The following PTPRN2 variants were observed in gnomAD, a reference collection of about 807,000 sequenced individuals.
PTPRN2 encodes the protein receptor-type tyrosine-protein phosphatase N2.
In PTPRN2, 74 loss-of-function variants were observed where a neutral mutation model predicts 118.8. That is an observed-to-expected ratio of 0.62 (90% CI 0.52 to 0.76). The LOEUF (loss-of-function observed/expected upper bound fraction) is 0.76, where lower values mean the gene tolerates loss of function less well. Among genes scored for constraint, PTPRN2 ranks in the 30% least tolerant of loss-of-function variants. The pLI is 0.00. For synonymous variants in PTPRN2, 641 were observed against 608.0 expected, an observed-to-expected ratio of 1.05 and a Z score of -0.80; for missense variants, 1,481 against 1,394.4, an observed-to-expected ratio of 1.06 and a Z score of -0.99.
chr7:157,834,567 T>C (rs1807806308), intron 12 of PTPRN2, among the ~76,000 whole-genome samples: 1 of 152,250 alleles, frequency 6.6e-6, no homozygotes, highest in Non-Finnish European at 1.5e-5. Context: ...AATTGATCAG[T>C]CGACCCACCC....
chr7:158,203,049 C>A (rs188605722), intron 4 of PTPRN2, among the ~76,000 whole-genome samples: 12 of 151,660 alleles, frequency 7.9e-5, no homozygotes, highest in African/African-American at 2.4e-4. Flanking sequence ...CTGGCCAACA[C>A]GGCAAAACCC....
intron 11 of PTPRN2, among the ~76,000 whole-genome samples, chr7:157,935,226 CTTTT>C (rs768379508): frequency 6.6e-6 from 1 of 152,140 alleles, no homozygotes; most frequent in Non-Finnish European, 1.5e-5. Context: ...ATTAATTCTT[CTTTT>C]TTTGTGTCCC....
chr7:158,438,626 G>A lies in PTPRN2; in HGVS notation c.163+51109C>T, dbSNP rs1586672500. On this transcript the variant is annotated intron_variant, in intron 2 of 22. Transcript: ENST00000389418. The surrounding 1 kb of genome is among the most constrained non-coding windows in gnomAD (Gnocchi z 4.7). ...AACAGATCATTATAGCCAAGAGAAG[G>A]TCAGTTCTGATCGTTGTTGATTTTC... Among the ~76,000 whole-genome samples the A allele has an allele frequency of 1.3e-5, 2 of 152,156 alleles. No individual in the cohort carries two copies. The highest frequency in any genetic ancestry group is 4.8e-5 in the African/African-American group (2 of 41,436).
chr7:157,745,141 C>T (rs1432723632), intron 12 of PTPRN2, among the ~76,000 whole-genome samples: 3 of 152,144 alleles, frequency 2.0e-5, no homozygotes, highest in Admixed American at 6.5e-5. Context: ...AGTGGCCACC[C>T]CAGCATTTCT....
At chr7:157,967,572 A>C (rs1028982011) in intron 11 of PTPRN2, among the ~76,000 whole-genome samples, 2 of 152,146 alleles carry the variant, frequency 1.3e-5, no homozygotes, top group African/African-American at 4.8e-5. Flanking sequence ...GTGGGCTGAG[A>C]GGGCTGTGTG....
chr7:158,176,624 C>T (rs1824232135), intron 5 of PTPRN2, among the ~76,000 whole-genome samples: 3 of 152,166 alleles, frequency 2.0e-5, no homozygotes, highest in Admixed American at 2.0e-4. Flanking sequence ...AGGGCAGGGA[C>T]AGGACTGTCT....
chr7:158,447,427 C>T (rs761111718), intron 2 of PTPRN2, among the ~76,000 whole-genome samples: 43 of 152,168 alleles, frequency 2.8e-4, no homozygotes, highest in Non-Finnish European at 4.6e-4. Flanking sequence ...GCACAAGACC[C>T]GTCTCCATAA....
intron 5 of PTPRN2, among the ~76,000 whole-genome samples, chr7:158,184,895 G>A (rs1825013336): frequency 6.6e-6 from 1 of 152,208 alleles, no homozygotes; most frequent in African/African-American, 2.4e-5. Context: ...CAGATTTTAA[G>A]TGGAAAGCAT....
At chr7:157,638,396 T>C (rs1804453439) in intron 14 of PTPRN2, among the ~76,000 whole-genome samples, 1 of 152,248 alleles carries the variant, frequency 6.6e-6, no homozygotes, top group Non-Finnish European at 1.5e-5. Context: ...TCAGTCTACC[T>C]CCTCCACCTT....
chr7:158,035,395 A>G (rs1244655911), intron 11 of PTPRN2, among the ~76,000 whole-genome samples: 1 of 152,174 alleles, frequency 6.6e-6, no homozygotes, highest in Non-Finnish European at 1.5e-5. Context: ...GGAAGGAGAA[A>G]TCCCAGATGC....
At chr7:158,034,523 T>C (rs141660216) in intron 11 of PTPRN2, among the ~76,000 whole-genome samples, 4 of 152,000 alleles carry the variant, frequency 2.6e-5, no homozygotes, top group South Asian at 4.1e-4. Flanking sequence ...AGACGGGACT[T>C]GCTCCTCCTT....
At position 157,671,061 on chromosome 7, in the gene PTPRN2, G is replaced by T. The variant is rs931129609; in HGVS notation, c.2001+11664C>A. The stretch of plus-strand genomic sequence containing the variant: ...CATGGGCGGGCAGGACTCTGGACCT[G>T]AGAATTGCACAGGATGGTTTCCAAG... On this transcript the variant is annotated intron_variant, in intron 13 of 22. Transcript: ENST00000389418. The surrounding 1 kb of genome is among the most constrained non-coding windows in gnomAD (Gnocchi z 4.1). Among the ~76,000 whole-genome samples the T allele has an allele frequency of 4.6e-5, 7 of 152,186 alleles. No homozygotes were observed. Among genetic ancestry groups the T allele is most frequent in the Non-Finnish European group, 1.0e-4 (7 of 68,030 alleles).
At chr7:158,437,602 G>GCTCAGTCAC (rs1816659004) in intron 2 of PTPRN2, among the ~76,000 whole-genome samples, 1 of 152,172 alleles carries the variant, frequency 6.6e-6, no homozygotes, top group Non-Finnish European at 1.5e-5. Context: ...TTCTTGGAAG[G>GCTCAGTCAC]CTCAGTCACC....
At chr7:157,707,411 C>T (rs926513382) in intron 12 of PTPRN2, among the ~76,000 whole-genome samples, 9 of 152,106 alleles carry the variant, frequency 5.9e-5, no homozygotes, top group African/African-American at 1.7e-4. Flanking sequence ...GAGATAGAGT[C>T]GACACTATAT....
intron 1 of PTPRN2, among the ~76,000 whole-genome samples, chr7:158,521,022 G>A (rs1823950448): frequency 6.6e-6 from 1 of 152,210 alleles, no homozygotes; most frequent in Admixed American, 6.5e-5. Flanking sequence ...CCCACAGCAG[G>A]ATTCCAAGTG....
chr7:157,769,710 C>T (rs115545306), intron 12 of PTPRN2, among the ~76,000 whole-genome samples: 2 of 152,310 alleles, frequency 1.3e-5, no homozygotes, highest in Admixed American at 6.5e-5. Flanking sequence ...CCCCTCCACA[C>T]GGAACTCTCT....
At chr7:157,727,497 A>G (rs1799664214) in intron 12 of PTPRN2, among the ~76,000 whole-genome samples, 1 of 152,050 alleles carries the variant, frequency 6.6e-6, no homozygotes. Context: ...TCAAACTCAG[A>G]GACAGAGGGT....
intron 3 of PTPRN2, among the ~76,000 whole-genome samples, chr7:158,270,925 C>CG (rs1798408394): frequency 1.6e-5 from 1 of 63,010 alleles, no homozygotes. Flanking sequence ...CCTGGACCAC[C>CG]CCCCCCACCT....
chr7:157,645,986 A>C (rs1259436172), intron 14 of PTPRN2, among the ~76,000 whole-genome samples: 2 of 152,238 alleles, frequency 1.3e-5, no homozygotes, highest in Non-Finnish European at 2.9e-5. Context: ...GTAAGGGCTA[A>C]AATCTTTCAG....
Sources: gnomAD v4.1 joint callset for allele counts (sites outside exome capture counted in the v4.1 genomes callset) on GRCh38, gnomAD v4.1.1 for gene constraint, Gnocchi (gnomAD v3.1) non-coding constraint, MANE v1.5 for transcripts, NCBI Gene and HGNC (gene_info 2026-07-23, HGNC 2026-07-21) for gene names.